SPNS2: variants seen among roughly 807,000 people sequenced by gnomAD.
SPNS2 encodes the protein SPNS lysolipid transporter 2, sphingosine-1-phosphate.
Under a neutral mutation model 57.6 loss-of-function variants are expected in SPNS2, and 37 were observed. That is an observed-to-expected ratio of 0.64 (90% confidence interval 0.49 to 0.85). The LOEUF is 0.85. SPNS2 is among the 40% of genes least tolerant of loss of function. The probability of loss-of-function intolerance (pLI) is 0.00; values close to 1 mark genes in which losing one functional copy is unlikely to be tolerated. For synonymous variants in SPNS2, 440 were observed against 346.9 expected (o/e 1.27, Z -2.98); for missense variants, 831 against 779.1 (o/e 1.07, Z -0.79).
intron 8 of SPNS2, 61 bp from the exon 9 acceptor site, chr17:4,533,727 G>T: frequency 6.3e-7 from 1 of 1,583,678 alleles, no homozygotes; most frequent in South Asian, 1.1e-5. Flanking sequence ...GTAGGGAACA[G>T]AGACTGTGGT....
rs936164221 is a variant in SPNS2, at chr17:4,499,736, C to G, written c.370+319C>G. Reference sequence around the variant, plus strand: ...CTCTCCAAGAGTCTCCTCTGCGTCTCTCTGTCTCCTTGTCTCTGCGCCCCC... The same window carrying G: ...CTCTCCAAGAGTCTCCTCTGCGTCTGTCTGTCTCCTTGTCTCTGCGCCCCC... On this transcript the variant is annotated intron_variant, in intron 1 of 12. Transcript: ENST00000329078. The surrounding 1 kb of genome is among the most constrained non-coding windows in gnomAD (Gnocchi z 5.2). 3.3e-5 allele frequency: 8 copies of G among 241,572 alleles called. No homozygotes were observed. Among genetic ancestry groups the G allele is most frequent in the African/African-American group, 1.1e-4 (5 of 44,564 alleles). The allele number at this position is 241,572 out of a possible 1,614,324, so 15.0% of individuals were successfully genotyped here. A position where few individuals can be genotyped will look rare whatever the true frequency, so the allele number is the denominator to read the frequency against.
chr17:4,500,238 T>G (rs1344213414), intron 1 of SPNS2, among the ~76,000 whole-genome samples: 1 of 152,208 alleles, frequency 6.6e-6, no homozygotes. Flanking sequence ...CCAGCTTTGC[T>G]CCTAATGTGC....
intron 9 of SPNS2, 81 bp downstream of exon 9, chr17:4,533,934 G>GTTGGGGGGGGGGGGGTT: frequency 1.2e-6 from 1 of 806,080 alleles, no homozygotes; most frequent in East Asian, 3.1e-5. Context: ...GAGGGCGGGT[G>GTTGGGGGGGGGGGGGTT]AAGGGGCGGG....
At chr17:4,534,902 C>T (rs1484621374) in intron 9 of SPNS2, among the ~76,000 whole-genome samples, 4 of 152,222 alleles carry the variant, frequency 2.6e-5, no homozygotes, top group African/African-American at 4.8e-5. Flanking sequence ...TGACAGCTGC[C>T]GGCAGGGTCA....
rs1229509541 is a variant in SPNS2 at position 4,499,598 on chromosome 17, G to A, written c.370+181G>A. ...CAAGGGATGCCTCCGTGCACCACGG[G>A]TACAATCCAGCTCCCCGCTCATACA... On this transcript the variant is annotated intron_variant, in intron 1 of 12. Transcript: ENST00000329078. This position sits in a 1 kb window ranked among gnomAD's most constrained non-coding sequence, Gnocchi z 5.2. The A allele has an allele frequency of 1.9e-5, 8 of 425,120 alleles. No individual in the cohort carries two copies. The highest frequency in any genetic ancestry group is 1.2e-4 in the African/African-American group (6 of 48,588). 26.3% of individuals were successfully genotyped at this position (425,120 alleles called of 1,614,324 possible).
chr17:4,537,527 G>C lies in SPNS2; in HGVS notation c.*79G>C, dbSNP rs1905918981. The C allele has an allele frequency of 2.2e-6, 1 of 456,822 alleles. No homozygotes were observed. Among genetic ancestry groups the C allele is most frequent in the Non-Finnish European group, 4.4e-6 (1 of 227,010 alleles). 28.3% of individuals were successfully genotyped at this position (456,822 alleles called of 1,614,324 possible). A position where few individuals can be genotyped will look rare whatever the true frequency, so the allele number is the denominator to read the frequency against. On this transcript the variant is annotated 3_prime_UTR_variant, in exon 13 of 13. Transcript: ENST00000329078. ...GTCCTACAGCGTCCGGGACCGGCTG[G>C]GCTGCCCCAAAGCTTTCTGTGTGAT...
rs1349436751 is a variant in SPNS2 at position 4,538,541 on chromosome 17, A to G, written c.*1093A>G. 5 of 327,012 alleles carry G rather than the reference A, an allele frequency of 1.5e-5. No individual in the cohort carries two copies. The East Asian group carries it at 3.6e-4, about 24-fold the overall frequency. 20.3% of individuals were successfully genotyped at this position (327,012 alleles called of 1,614,324 possible). ...ACCAGGATGCAGCTGCCAACTTCAC[A>G]CCAGCCCCAACCCGCTTTGGGGGAG... On this transcript the variant is annotated 3_prime_UTR_variant, in exon 13 of 13. Coordinates refer to ENST00000329078, the MANE Select transcript of SPNS2 (RefSeq NM_001124758.3).
rs142001961 is a variant in SPNS2 at position 4,526,895 on chromosome 17, G to A, written c.573+1702G>A. 3.5e-3 allele frequency among the ~76,000 whole-genome samples: 533 copies of A among 152,322 alleles called. 1 individual carries two copies. Among genetic ancestry groups the A allele is most frequent in the Non-Finnish European group, 6.3e-3 (426 of 68,022 alleles). The stretch of plus-strand genomic sequence containing the variant: ...AGGTCAGGTAAAGCTCCAGGCCCAG[G>A]ATGGCAAGCAGAGCCTGGTGGCCAC... On this transcript the variant is annotated intron_variant, in intron 3 of 12. Transcript: ENST00000329078.
chr17:4,529,931 G>A (rs193186433), intron 3 of SPNS2, among the ~76,000 whole-genome samples: 16 of 152,306 alleles, frequency 1.1e-4, no homozygotes, highest in African/African-American at 2.6e-4. Context: ...GGCTGGACGC[G>A]GGCGATGCTG....
In SPNS2 at chr17:4,537,932, G is replaced by C. The variant is rs192610627; in HGVS notation, c.*484G>C. 3 of 388,074 alleles carry C rather than the reference G, an allele frequency of 7.7e-6. No homozygotes were observed. Among genetic ancestry groups the C allele is most frequent in the African/African-American group, 6.3e-5 (3 of 47,926 alleles). 24.0% of individuals were successfully genotyped at this position (388,074 alleles called of 1,614,324 possible). ...GCCCAGGCCTCAGGGCGGCAGTCCC[G>C]GCTTTGAGGCTCACGCGAGGGCCTG... On this transcript the variant is annotated 3_prime_UTR_variant, in exon 13 of 13. Coordinates refer to ENST00000329078, the MANE Select transcript of SPNS2 (RefSeq NM_001124758.3).
At position 4,536,705 on chromosome 17, in the gene SPNS2, TTC is replaced by T. The variant is rs1905833215; in HGVS notation, c.1608-193_1608-192del. ...CCTCCCCTTCCTCTTACTTTCTGACTTCTTTCTCCTTTCCTCTTTACTCCTCT... is the reference window on the plus strand; with the variant it reads ...CCTCCCCTTCCTCTTACTTTCTGACTTTTCTCCTTTCCTCTTTACTCCTCT... On this transcript the variant is annotated intron_variant, in intron 11 of 12. Coordinates refer to ENST00000329078, the MANE Select transcript of SPNS2 (RefSeq NM_001124758.3). 7 of 633,302 alleles carry T rather than the reference TTC, an allele frequency of 1.1e-5. No individual in the cohort carries two copies. The Admixed American group carries it at 1.7e-4, about 15-fold the overall frequency. 39.2% of individuals were successfully genotyped at this position (633,302 alleles called of 1,614,324 possible). A position where few individuals can be genotyped will look rare whatever the true frequency, so the allele number is the denominator to read the frequency against.
chr17:4,525,878 C>G (rs1229652150), intron 3 of SPNS2, among the ~76,000 whole-genome samples: 4 of 152,216 alleles, frequency 2.6e-5, no homozygotes. Context: ...GTCATTGTTT[C>G]TGTTCCTCCT....
chr17:4,503,234 C>T (rs913314614), intron 1 of SPNS2, among the ~76,000 whole-genome samples: 10 of 152,224 alleles, frequency 6.6e-5, no homozygotes, highest in African/African-American at 2.4e-4. Flanking sequence ...GAGGTAGGGG[C>T]ATGACCCTTG....
chr17:4,523,368 G>T (rs1396145024), intron 2 of SPNS2, among the ~76,000 whole-genome samples: 1 of 152,166 alleles, frequency 6.6e-6, no homozygotes, highest in Non-Finnish European at 1.5e-5. Flanking sequence ...AACCTGGGAG[G>T]CGGAGGTTGC....
chr17:4,531,519 G>A (rs1201233257), intron 5 of SPNS2, among the ~76,000 whole-genome samples: 2 of 152,206 alleles, frequency 1.3e-5, no homozygotes, highest in African/African-American at 4.8e-5. Context: ...CCCAGAGTCT[G>A]GAGCCACTTC....
At chr17:4,535,982 G>A (rs1033161070) in intron 9 of SPNS2, 94 bp from the exon 10 acceptor site, 6 of 1,012,224 alleles carry the variant, frequency 5.9e-6, no homozygotes, top group Non-Finnish European at 8.8e-6. Context: ...TGAGTCTGAG[G>A]GTGTGGGGGC....
intron 1 of SPNS2, among the ~76,000 whole-genome samples, chr17:4,504,337 C>T (rs935225981): frequency 6.6e-6 from 1 of 152,264 alleles, no homozygotes; most frequent in African/African-American, 2.4e-5. Context: ...CTGCCTGCTG[C>T]CCACTTCCTT....
intron 2 of SPNS2, among the ~76,000 whole-genome samples, 194 bp downstream of exon 2, chr17:4,513,506 G>A (rs903069989): frequency 6.6e-6 from 1 of 152,196 alleles, no homozygotes; most frequent in Non-Finnish European, 1.5e-5. Flanking sequence ...TGCTTTTCTT[G>A]TGTAACAAAA....
intron 11 of SPNS2, 126 bp from the exon 12 acceptor site, chr17:4,536,774 G>A: frequency 2.6e-6 from 2 of 776,410 alleles, no homozygotes; most frequent in African/African-American, 1.7e-5. Flanking sequence ...ATCTCCCCCT[G>A]GGGCTGACGA....
Sources: gnomAD v4.1 joint callset for allele counts (sites outside exome capture counted in the v4.1 genomes callset) on GRCh38, gnomAD v4.1.1 for gene constraint, Gnocchi (gnomAD v3.1) non-coding constraint, MANE v1.5 for transcripts, NCBI Gene and HGNC (gene_info 2026-07-23, HGNC 2026-07-21) for gene names.